IDO2: variants seen among roughly 807,000 people sequenced by gnomAD.
The protein encoded by IDO2 is indoleamine 2,3-dioxygenase-like 1 protein.
In IDO2, 46 loss-of-function variants were observed where a neutral mutation model predicts 45.1. The observed-to-expected ratio is 1.02, with a 90% CI of 0.80 to 1.30. The LOEUF is 1.30. IDO2 is among the 50% of genes most tolerant of loss of function. The probability of loss-of-function intolerance (pLI) is 0.00; values close to 1 mark genes in which losing one functional copy is unlikely to be tolerated. For synonymous variants in IDO2, 218 were observed against 184.9 expected, an observed-to-expected ratio of 1.18 and a Z score of -1.45; for missense variants, 544 against 491.8, an observed-to-expected ratio of 1.11 and a Z score of -1.00.
intron 2 of IDO2, among the ~76,000 whole-genome samples, chr8:39,952,771 A>G (rs1331397943): frequency 1.4e-5 from 2 of 146,992 alleles, no homozygotes; most frequent in African/African-American, 5.1e-5. Context: ...GAGGCTCTGG[A>G]GTTCAGATTT....
At chr8:39,963,639 T>C (rs1370001550) in exon 3 of IDO2, 1 of 1,612,026 alleles carries the variant, frequency 6.2e-7, no homozygotes, top group Non-Finnish European at 8.5e-7. Flanking sequence ...AGGCCTTGGA[T>C]GGAAATTGCC....
chr8:39,947,282 T>G (rs1807750398), intron 1 of IDO2, among the ~76,000 whole-genome samples: 2 of 152,042 alleles, frequency 1.3e-5, no homozygotes, highest in African/African-American at 4.8e-5. Context: ...CCCCGTCTAA[T>G]TAGGAATAAA....
At chr8:40,015,279 C>T in exon 11 of IDO2, 2 of 1,611,046 alleles carry the variant, frequency 1.2e-6, no homozygotes, top group South Asian at 1.1e-5. Flanking sequence ...GGATTACATG[C>T]CTCCTTCCCA....
chr8:39,967,296 A>G (rs1718398875), intron 3 of IDO2, among the ~76,000 whole-genome samples: 1 of 152,166 alleles, frequency 6.6e-6, no homozygotes, highest in Admixed American at 6.6e-5. Flanking sequence ...CTTAAGAAAT[A>G]TTTGAGTTTT....
At chr8:39,979,309 C>A in intron 4 of IDO2, 123 bp downstream of exon 4, 1 of 991,804 alleles carries the variant, frequency 1.0e-6, no homozygotes, top group Non-Finnish European at 1.4e-6. Context: ...TCTCGATGGG[C>A]ATCAGTTTAA....
At chr8:39,936,796 G>C (rs1807559150) in intron 1 of IDO2, among the ~76,000 whole-genome samples, 1 of 152,182 alleles carries the variant, frequency 6.6e-6, no homozygotes, top group African/African-American at 2.4e-5. Flanking sequence ...ATGCTAATTA[G>C]GGGGTGTTCC....
chr8:39,945,132 G>T (rs1039682425), intron 1 of IDO2, among the ~76,000 whole-genome samples: 1 of 152,244 alleles, frequency 6.6e-6, no homozygotes, highest in African/African-American at 2.4e-5. Context: ...CTTATATGGG[G>T]TTGCAACCTG....
intron 8 of IDO2, among the ~76,000 whole-genome samples, chr8:39,991,809 G>A (rs1801936557): frequency 2.0e-5 from 3 of 152,180 alleles, no homozygotes; most frequent in Non-Finnish European, 4.4e-5. Context: ...GACCTCAGGT[G>A]ATCTGCCTAC....
chr8:39,968,880 TA>T (rs1387832296), intron 3 of IDO2, among the ~76,000 whole-genome samples: 11 of 142,136 alleles, frequency 7.7e-5, no homozygotes, highest in African/African-American at 2.8e-4. Context: ...AGCAAATTTT[TA>T]AAAAAGTAAA....
intron 1 of IDO2, among the ~76,000 whole-genome samples, chr8:39,946,795 A>G (rs1293987427): frequency 2.6e-5 from 4 of 151,910 alleles, no homozygotes; most frequent in Non-Finnish European, 5.9e-5. Context: ...CTCACTGGGC[A>G]GTTACAGTAG....
At chr8:39,959,283 ATT>A (rs68172769) in intron 2 of IDO2, among the ~76,000 whole-genome samples, 62 of 147,340 alleles carry the variant, frequency 4.2e-4, no homozygotes, top group South Asian at 6.5e-4. Flanking sequence ...AATTTTTTCT[ATT>A]TTTTTTTTTT....
rs1585424057 is a variant in IDO2 at position 40,013,778 on chromosome 8, T to TTTA, written c.868+66_868+67insTAT. ...GGAAGAGGAGAGGTGTTTTTTTTTT[T>TTTA]TCCAATTGATAAAACCAAATATAAA... On this transcript the variant is annotated intron_variant, in intron 10 of 10. Transcript: ENST00000502986. The TTTA allele has an allele frequency of 8.8e-6, 4 of 453,006 alleles. No individual in the cohort carries two copies. In the East Asian group the frequency reaches 1.9e-4, roughly 21 times the overall value. 28.1% of individuals were successfully genotyped at this position (453,006 alleles called of 1,614,324 possible).
chr8:39,953,730 C>T (rs1340134941), intron 2 of IDO2, among the ~76,000 whole-genome samples: 1 of 152,184 alleles, frequency 6.6e-6, no homozygotes, highest in East Asian at 1.9e-4. Context: ...CCACACCCAG[C>T]TAATTTTTGT....
intron 8 of IDO2, among the ~76,000 whole-genome samples, chr8:39,990,598 T>C (rs940003790): frequency 1.3e-5 from 2 of 152,248 alleles, no homozygotes; most frequent in Non-Finnish European, 2.9e-5. Context: ...ACCCTTTTTA[T>C]TGATGCTCAT....
intron 3 of IDO2, among the ~76,000 whole-genome samples, chr8:39,967,676 C>CG (rs1808109746): frequency 6.6e-6 from 1 of 152,024 alleles, no homozygotes. Context: ...TTATTAGAGA[C>CG]GGGGTTTCAC....
chr8:39,965,504 A>C (rs1808071224), intron 3 of IDO2, among the ~76,000 whole-genome samples: 1 of 146,608 alleles, frequency 6.8e-6, no homozygotes, highest in South Asian at 2.3e-4. Flanking sequence ...AAAACAAAAC[A>C]AACAAACAAA....
At chr8:39,988,319 C>T (rs1808453706) in intron 7 of IDO2, among the ~76,000 whole-genome samples, 1 of 151,686 alleles carries the variant, frequency 6.6e-6, no homozygotes, top group African/African-American at 2.4e-5. Flanking sequence ...TGAGCCACTG[C>T]ACCGGGCCTC....
intron 8 of IDO2, among the ~76,000 whole-genome samples, chr8:39,996,231 A>C (rs1003564348): frequency 6.6e-6 from 1 of 152,204 alleles, no homozygotes; most frequent in African/African-American, 2.4e-5. Flanking sequence ...TGGAGGCCTA[A>C]CCGTCTCCCT....
chr8:39,934,989 C>G (rs995246892), exon 1 of IDO2: 3 of 660,488 alleles, frequency 4.5e-6, no homozygotes, highest in Non-Finnish European at 8.2e-6. Context: ...AGTAAGAATA[C>G]AGAGAGTCCA....
Sources: allele counts gnomAD v4.1 joint callset (sites outside exome capture counted in the v4.1 genomes callset), GRCh38; gene constraint gnomAD v4.1.1; transcripts MANE v1.5; gene names NCBI Gene and HGNC (gene_info 2026-07-23, HGNC 2026-07-21).